KIF22: variants seen among roughly 807,000 people sequenced by gnomAD.
The protein encoded by KIF22 is kinesin family member 22, also known as kinesin-like protein KIF22.
Under a neutral mutation model 73.0 loss-of-function variants are expected in KIF22, and 62 were observed. The ratio of observed to expected loss-of-function variants is 0.85; its 90% CI spans 0.69 to 1.05. The LOEUF is 1.05. KIF22 is among the 50% of genes least tolerant of loss of function. The pLI is 0.00. For synonymous variants in KIF22, 411 were observed against 340.1 expected (o/e 1.21, Z -2.29); for missense variants, 854 against 870.1 (o/e 0.98, Z 0.23).
Position 29,799,363 on chromosome 16 carries a change from A to T in KIF22, c.859A>T (p.Lys287Ter). 1.2e-6 allele frequency: 2 copies of T among 1,614,220 alleles called. No homozygotes were observed. The highest frequency in any genetic ancestry group is 1.7e-6 in the Non-Finnish European group (2 of 1,180,048). ...GSEDNRRTGNKGLRLKESGAI... is the reference protein window; with the variant it reads ...GSEDNRRTGN The stretch of plus-strand genomic sequence containing the variant: ...AGAGGACAACCGGCGCACAGGCAAC[A>T]AGGGCCTTCGGCTAAAAGAGAGTGG... Residue 287 changes from lysine (K) to a stop codon, truncating the protein, a stop_gained, in exon 6 of 14, where the codon AAG becomes TAG. Transcript: ENST00000160827. LOFTEE classifies it high-confidence loss of function.
At chr16:29,795,907 C>T (rs1033961519) in intron 1 of KIF22, among the ~76,000 whole-genome samples, 1 of 152,060 alleles carries the variant, frequency 6.6e-6, no homozygotes, top group African/African-American at 2.4e-5. Context: ...TCATCATTAA[C>T]AGTTTGCAGG....
chr16:29,798,773 G>A lies in KIF22; in HGVS notation c.549+26G>A, dbSNP rs1271772295. The A allele has an allele frequency of 1.2e-6, 2 of 1,608,466 alleles. No homozygotes were observed. The highest frequency in any genetic ancestry group is 1.7e-6 in the Non-Finnish European group (2 of 1,177,114). On this transcript the variant is annotated intron_variant, in intron 4 of 13. Coordinates refer to ENST00000160827, the MANE Select transcript of KIF22 (RefSeq NM_007317.3). The surrounding 1 kb of genome is among the most constrained non-coding windows in gnomAD (Gnocchi z 4.1). ...GTGAGGCCCCGTGCTGGTTGGGAGAGGAGCAACAAAGGGTCAAAGTAAGAC... is the reference window on the plus strand; with the variant it reads ...GTGAGGCCCCGTGCTGGTTGGGAGAAGAGCAACAAAGGGTCAAAGTAAGAC...
chr16:29,800,060 G>C lies in KIF22; in HGVS notation c.1280+12G>C. The stretch of plus-strand genomic sequence containing the variant: ...TCCCAGAAACTCAGGTGAGCAGTGG[G>C]GCCTTGGGTGTATCCCCTTCCTGAT... On this transcript the variant is annotated intron_variant, in intron 8 of 13. Coordinates refer to ENST00000160827, the MANE Select transcript of KIF22 (RefSeq NM_007317.3). 6.2e-7 allele frequency: 1 copy of C among 1,604,738 alleles called. No homozygotes were observed.
Position 29,798,734 on chromosome 16 carries a change from T to C in KIF22, c.536T>C (p.Ile179Thr). The C allele has an allele frequency of 1.2e-6, 2 of 1,613,840 alleles. No homozygotes were observed. The highest frequency in any genetic ancestry group is 8.5e-7 in the Non-Finnish European group (1 of 1,179,902). The stretch of plus-strand genomic sequence containing the variant: ...TCTGTCACCATGTCTTACCTAGAGA[T>C]CTACCAGGAGAAGGTGAGGCCCCGT... ...ALSVTMSYLE[I>T]YQEKVLDLLD... Residue 179 changes from isoleucine to threonine, a missense_variant, in exon 4 of 14, where the codon ATC (isoleucine) becomes ACC (threonine). Coordinates refer to ENST00000160827, the MANE Select transcript of KIF22 (RefSeq NM_007317.3). This position sits in a 1 kb window ranked among gnomAD's most constrained non-coding sequence, Gnocchi z 4.1.
Position 29,798,638 on chromosome 16 carries a change from T to C in KIF22, c.440T>C (p.Ile147Thr), listed in dbSNP as rs772635300. The C allele has an allele frequency of 2.5e-6, 4 of 1,614,126 alleles. No homozygotes were observed. The South Asian group carries it at 4.4e-5, about 18-fold the overall frequency. ...MLGSPEQPGV[I>T]PRALMDLLQL... ...GGCAGCCCAGAGCAACCTGGGGTGA[T>C]CCCGCGGGCTCTCATGGACCTCCTG... The change falls in exon 4 of 14, where the codon ATC becomes ACC. Residue 147 changes from isoleucine (I) to threonine (T), a missense_variant. This residue lies in a region of KIF22 where 245 missense variants were observed against 351.8 expected (regional missense o/e 0.70). Coordinates refer to ENST00000160827, the MANE Select transcript of KIF22 (RefSeq NM_007317.3). This position sits in a 1 kb window ranked among gnomAD's most constrained non-coding sequence, Gnocchi z 4.1.
chr16:29,794,186 T>C (rs1288005311), intron 1 of KIF22, among the ~76,000 whole-genome samples: 2 of 152,152 alleles, frequency 1.3e-5, no homozygotes, highest in Non-Finnish European at 2.9e-5. Flanking sequence ...ATAAAGCACT[T>C]TGGAGTTAGA....
At position 29,805,137 on chromosome 16, in the gene KIF22, AG is replaced by A; in HGVS notation, c.1916del (p.Gly639AlafsTer2). The part of the protein sequence containing the change: ...FSQVEDLERV[E>X]GITGKQMESF... Reference sequence around the variant, plus strand: ...CAGGTGGAGGACCTGGAACGCGTGGAGGGCATAACGGGGAAACAGATGGAGT... The same window carrying A: ...CAGGTGGAGGACCTGGAACGCGTGGAGGCATAACGGGGAAACAGATGGAGT... On this transcript the variant is annotated frameshift_variant, in exon 13 of 14. Coordinates refer to ENST00000160827, the MANE Select transcript of KIF22 (RefSeq NM_007317.3). LOFTEE classifies it high-confidence loss of function. 1.9e-6 allele frequency: 3 copies of A among 1,613,378 alleles called. No individual in the cohort carries two copies. Among genetic ancestry groups the A allele is most frequent in the Non-Finnish European group, 2.5e-6 (3 of 1,179,938 alleles).
At chr16:29,801,156 A>G (rs1362693578) in intron 8 of KIF22, among the ~76,000 whole-genome samples, 2 of 151,992 alleles carry the variant, frequency 1.3e-5, no homozygotes, top group Non-Finnish European at 2.9e-5. Context: ...AAAGCCTCTA[A>G]ACTAAGTCCT....
chr16:29,804,747 A>G, intron 11 of KIF22, 67 bp from the exon 12 acceptor site: 1 of 1,278,650 alleles, frequency 7.8e-7, no homozygotes, highest in Non-Finnish European at 1.1e-6. Flanking sequence ...CTGGGCTCCT[A>G]GTCTTGGCAG....
intron 8 of KIF22, among the ~76,000 whole-genome samples, chr16:29,802,565 T>C (rs1236315144): frequency 1.3e-5 from 2 of 152,114 alleles, no homozygotes; most frequent in African/African-American, 4.8e-5. Context: ...GGCACTCAAG[T>C]GTTCGCCTGA....
chr16:29,803,856 TA>T, intron 10 of KIF22, 141 bp from the exon 11 acceptor site: 4 of 712,436 alleles, frequency 5.6e-6, no homozygotes, highest in Non-Finnish European at 9.9e-6. Context: ...AATGCGGGTA[TA>T]AAAAAGGTCA....
Position 29,799,644 on chromosome 16 carries a change from C to G in KIF22, c.1007C>G (p.Ser336Ter). 1 of 1,614,078 alleles carries G rather than the reference C, an allele frequency of 6.2e-7. No homozygotes were observed. The highest frequency in any genetic ancestry group is 2.2e-5 in the East Asian group (1 of 44,884). ...CACCCTCAGGACTCTCTGGGTGGCTCAGCCCACAGTATCCTTATTGCCAAC... is the reference window on the plus strand; with the variant it reads ...CACCCTCAGGACTCTCTGGGTGGCTGAGCCCACAGTATCCTTATTGCCAAC... ...TRLLQDSLGG[S>*]AHSILIANIA... The change falls in exon 7 of 14, where the codon TCA (serine) becomes TGA (stop). Residue 336 changes from serine (S) to a stop codon, truncating the protein, a stop_gained. Coordinates refer to ENST00000160827, the MANE Select transcript of KIF22 (RefSeq NM_007317.3). LOFTEE classifies it high-confidence loss of function.
chr16:29,795,788 CAAAAA>C (rs369813545), intron 1 of KIF22, among the ~76,000 whole-genome samples: 1 of 151,554 alleles, frequency 6.6e-6, no homozygotes, highest in African/African-American at 2.4e-5. Flanking sequence ...CAAAACAAAA[CAAAAA>C]AAACTTAATC....
chr16:29,804,425 T>C (rs1899270713), intron 11 of KIF22: 1 of 618,556 alleles, frequency 1.6e-6, no homozygotes, highest in Non-Finnish European at 2.9e-6. Flanking sequence ...ACCCAAAAAC[T>C]GAGATGGTTG....
rs139612325 is a variant in KIF22 at position 29,804,597 on chromosome 16, A to G, written c.1678-217A>G. The G allele has an allele frequency of 8.1e-5, 56 of 693,242 alleles. No homozygotes were observed. In the African/African-American group the frequency reaches 9.3e-4, roughly 11 times the overall value. 42.9% of individuals were successfully genotyped at this position (693,242 alleles called of 1,614,324 possible). A position where few individuals can be genotyped will look rare whatever the true frequency, so the allele number is the denominator to read the frequency against. On this transcript the variant is annotated intron_variant, in intron 11 of 13. Transcript: ENST00000160827. ...ACAGCAACTCCATGAGAAGGGTGCTAATATTACCACTGGGTACTGAGTAGT... is the reference window on the plus strand; with the variant it reads ...ACAGCAACTCCATGAGAAGGGTGCTGATATTACCACTGGGTACTGAGTAGT...
rs775852285 is a variant in KIF22, at chr16:29,797,008, TC to T, written c.192del (p.Cys65ValfsTer10). The T allele has an allele frequency of 1.2e-6, 2 of 1,613,854 alleles. No homozygotes were observed. The highest frequency in any genetic ancestry group is 1.1e-5 in the South Asian group (1 of 91,050). On this transcript the variant is annotated frameshift_variant, in exon 2 of 14. Transcript: ENST00000160827. LOFTEE classifies it high-confidence loss of function. The surrounding 1 kb of genome is among the most constrained non-coding windows in gnomAD (Gnocchi z 4.1). ...FVDGTAGASD[P>X]PCVRGMDSCS... Reference sequence around the variant, plus strand: ...TGGATGGAACAGCGGGAGCAAGTGATCCCCCCTGTGTGCGGGGCATGGACAG... The same window carrying T: ...TGGATGGAACAGCGGGAGCAAGTGATCCCCCTGTGTGCGGGGCATGGACAG...
intron 1 of KIF22, among the ~76,000 whole-genome samples, chr16:29,796,284 A>AAAACAC (rs1410758267): frequency 2.0e-5 from 3 of 146,690 alleles, no homozygotes; most frequent in South Asian, 2.2e-4. Flanking sequence ...AAAAAAAAAA[A>AAAACAC]ACACACACAC....
intron 11 of KIF22, chr16:29,804,555 T>C (rs1277405473): frequency 2.9e-6 from 2 of 678,700 alleles, no homozygotes; most frequent in Non-Finnish European, 2.7e-6. Context: ...TTACATTCAT[T>C]AACTCACTTG....
intron 8 of KIF22, among the ~76,000 whole-genome samples, chr16:29,800,390 G>A (rs181080657): frequency 2.0e-5 from 3 of 152,298 alleles, no homozygotes; most frequent in Non-Finnish European, 4.4e-5. Flanking sequence ...CCAGGAAGCA[G>A]AGGTTGCAGT....
Sources: allele counts gnomAD v4.1 joint callset (sites outside exome capture counted in the v4.1 genomes callset), GRCh38; gene constraint gnomAD v4.1.1; regional missense constraint gnomAD v4.1.1; non-coding constraint Gnocchi (gnomAD v3.1); transcripts MANE v1.5; gene names NCBI Gene and HGNC (gene_info 2026-07-23, HGNC 2026-07-21).